ANKRD28: variants seen among roughly 807,000 people sequenced by gnomAD.
ANKRD28 encodes ankyrin repeat domain 28, also known as serine/threonine-protein phosphatase 6 regulatory ankyrin repeat subunit A.
Under a neutral mutation model 126.5 loss-of-function variants are expected in ANKRD28, and 44 were observed. The ratio of observed to expected loss-of-function variants is 0.35; its 90% confidence interval spans 0.27 to 0.45. The LOEUF is 0.45. ANKRD28 is among the 20% of genes least tolerant of loss of function. The probability of loss-of-function intolerance (pLI) is 1.00; values close to 1 mark genes in which losing one functional copy is unlikely to be tolerated. For missense variants in ANKRD28, 1,110 were observed against 1,316.6 expected (o/e 0.84, Z 2.43); for synonymous variants, 442 against 468.5 (o/e 0.94, Z 0.73).
chr3:15,859,070 G>A (rs1263760041), intron 1 of ANKRD28, among the ~76,000 whole-genome samples: 2 of 152,124 alleles, frequency 1.3e-5, no homozygotes, highest in Non-Finnish European at 2.9e-5. Context: ...GCCTCACCTG[G>A]CAGGAAAGAG....
intron 2 of ANKRD28, among the ~76,000 whole-genome samples, chr3:15,767,844 C>T (rs905556462): frequency 4.0e-5 from 6 of 150,774 alleles, no homozygotes; most frequent in Non-Finnish European, 8.8e-5. Context: ...GCTGAGATGG[C>T]GCCACTGCAC....
rs1474537273 is a variant in ANKRD28, at chr3:15,797,117, A to C, written c.-596T>G. 1.0e-6 allele frequency: 1 copy of C among 985,108 alleles called. No homozygotes were observed. Among genetic ancestry groups the C allele is most frequent in the Non-Finnish European group, 1.2e-6 (1 of 829,886 alleles). 61.0% of individuals were successfully genotyped at this position (985,108 alleles called of 1,614,324 possible). ...GGTTTAATGCAGATACTATTCACAGAAAAAAGATCTAGAGCTCAGCACAAA... is the reference window on the plus strand; with the variant it reads ...GGTTTAATGCAGATACTATTCACAGCAAAAAGATCTAGAGCTCAGCACAAA... On this transcript the variant is annotated 5_prime_UTR_variant, in exon 1 of 28. Transcript: ENST00000683139.
chr3:15,675,290 A>G (rs1183988288), intron 27 of ANKRD28, among the ~76,000 whole-genome samples: 1 of 152,160 alleles, frequency 6.6e-6, no homozygotes, highest in Admixed American at 6.5e-5. Flanking sequence ...CAACAACAAC[A>G]ACAACAAAAG....
chr3:15,736,596 T>C (rs146884505), intron 5 of ANKRD28, among the ~76,000 whole-genome samples: 15 of 152,236 alleles, frequency 9.9e-5, no homozygotes, highest in African/African-American at 3.4e-4. Context: ...ACGTTTGTTG[T>C]GTAAGATAAC....
chr3:15,765,397 G>A (rs1319045467), intron 3 of ANKRD28, among the ~76,000 whole-genome samples: 1 of 152,050 alleles, frequency 6.6e-6, no homozygotes, highest in Admixed American at 6.6e-5. Flanking sequence ...AATCTTACTG[G>A]CATTGCCTTC....
At chr3:15,825,044 A>C (rs2061028712) in intron 1 of ANKRD28, among the ~76,000 whole-genome samples, 1 of 152,222 alleles carries the variant, frequency 6.6e-6, no homozygotes, top group South Asian at 2.1e-4. Context: ...AAAATCAAGA[A>C]TAGATTTGAT....
At chr3:15,697,057 G>A (rs1308056842) in intron 14 of ANKRD28, among the ~76,000 whole-genome samples, 1 of 152,116 alleles carries the variant, frequency 6.6e-6, no homozygotes, top group Non-Finnish European at 1.5e-5. Flanking sequence ...ATCTATCAAC[G>A]AACGAGTGCG....
At chr3:15,842,743 A>AT (rs574808099) in intron 1 of ANKRD28, among the ~76,000 whole-genome samples, 235 of 152,246 alleles carry the variant, frequency 1.5e-3, no homozygotes, top group Non-Finnish European at 2.6e-3. Flanking sequence ...AAAAACAAAA[A>AT]TTTTTTAAAA....
intron 4 of ANKRD28, chr3:15,738,910 CT>C (rs370473161): frequency 1.3e-5 from 2 of 152,158 alleles, no homozygotes; most frequent in African/African-American, 4.8e-5. Flanking sequence ...TTTTAGAGAC[CT>C]CCCCCTAGGA....
intron 1 of ANKRD28, among the ~76,000 whole-genome samples, chr3:15,824,448 G>C (rs550951167): frequency 1.3e-5 from 2 of 152,284 alleles, no homozygotes; most frequent in Admixed American, 6.5e-5. Flanking sequence ...GAGCTACTAT[G>C]CTTGGCCAAG....
At chr3:15,731,131 G>C (rs1474047850) in intron 6 of ANKRD28, among the ~76,000 whole-genome samples, 1 of 152,176 alleles carries the variant, frequency 6.6e-6, no homozygotes, top group Non-Finnish European at 1.5e-5. Flanking sequence ...CTTGTGGTGA[G>C]GTCCAGGAAA....
upstream of ANKRD28, among the ~76,000 whole-genome samples, chr3:15,799,467 T>C (rs968004096): frequency 2.0e-5 from 3 of 152,060 alleles, no homozygotes; most frequent in African/African-American, 7.2e-5. Context: ...TAACAATTCA[T>C]TAGTTATATT....
Position 15,711,281 on chromosome 3 carries a change from G to A in ANKRD28, c.1274-7C>T. 2 of 1,601,920 alleles carry A rather than the reference G, an allele frequency of 1.2e-6. No homozygotes were observed. The highest frequency in any genetic ancestry group is 1.7e-6 in the Non-Finnish European group (2 of 1,170,638). On this transcript the variant is annotated splice_region_variant and splice_polypyrimidine_tract_variant and intron_variant, in intron 11 of 27. Coordinates refer to ENST00000683139, the MANE Select transcript of ANKRD28 (RefSeq NM_001349278.2). ...GGGGTATCTATATCAAATCCTACAA[G>A]AATGAATACATCTTATTTATAACAG...
chr3:15,713,580 A>G lies in ANKRD28; in HGVS notation c.1137T>C (p.Tyr379=). The change falls in exon 10 of 28, where the codon TAT becomes TAC. Residue 379 remains tyrosine, a synonymous_variant. Coordinates refer to ENST00000683139, the MANE Select transcript of ANKRD28 (RefSeq NM_001349278.2). ...GAGTGTTGATCAGCAGCTCATGGCC[A>G]TACCGTGCTGCTATGTGCAAAGGGG... ...GNTPLHIAAR[Y]GHELLINTLI... 4 of 1,611,404 alleles carry G rather than the reference A, an allele frequency of 2.5e-6. No homozygotes were observed. The highest frequency in any genetic ancestry group is 1.1e-5 in the South Asian group (1 of 90,640).
chr3:15,749,271 C>T (rs980898410), intron 4 of ANKRD28, among the ~76,000 whole-genome samples: 8 of 150,936 alleles, frequency 5.3e-5, no homozygotes, highest in South Asian at 4.2e-4. Context: ...CCACCGCGCC[C>T]GGCTAATTTT....
intron 1 of ANKRD28, among the ~76,000 whole-genome samples, chr3:15,856,034 C>A (rs1200008676): frequency 6.6e-6 from 1 of 152,114 alleles, no homozygotes; most frequent in Non-Finnish European, 1.5e-5. Context: ...TTTGTTTTTT[C>A]ATACTGATCT....
In ANKRD28 at chr3:15,686,289, A is replaced by T. The variant is rs760680259; in HGVS notation, c.1984T>A (p.Cys662Ser). The change falls in exon 19 of 28, where the codon TGC (cysteine) becomes AGC (serine). Residue 662 changes from cysteine (C) to serine (S), a missense_variant. Physicochemically the swap from Cys to Ser is moderately radical, Grantham distance 112 (BLOSUM62 -1). Coordinates refer to ENST00000683139, the MANE Select transcript of ANKRD28 (RefSeq NM_001349278.2). ...GCATTTCCTATTAATAGCCGTAAGC[A>T]TTCTGAATGACCATTTGTTGCTGTA... ...HAAATNGHSE[C>S]LRLLIGNAEP... The T allele has an allele frequency of 1.1e-5, 18 of 1,584,654 alleles. No homozygotes were observed. The highest frequency in any genetic ancestry group is 1.5e-5 in the Non-Finnish European group (18 of 1,163,616).
chr3:15,804,028 T>C (rs889172734), intron 1 of ANKRD28, among the ~76,000 whole-genome samples: 1 of 145,434 alleles, frequency 6.9e-6, no homozygotes, highest in Non-Finnish European at 1.5e-5. Flanking sequence ...TAAAAGTCTT[T>C]TGGCAAGAAT....
intron 1 of ANKRD28, among the ~76,000 whole-genome samples, chr3:15,811,204 TTTAAAA>T (rs1484667435): frequency 6.6e-6 from 1 of 152,218 alleles, no homozygotes; most frequent in African/African-American, 2.4e-5. Context: ...TATTTTGATC[TTTAAAA>T]GAATAAGAGA....
Sources: allele counts gnomAD v4.1 joint callset (sites outside exome capture counted in the v4.1 genomes callset), GRCh38; gene constraint gnomAD v4.1.1; transcripts MANE v1.5; gene names NCBI Gene and HGNC (gene_info 2026-07-23, HGNC 2026-07-21).